The following PIK3C3 variants were observed in gnomAD, a reference collection of about 807,000 sequenced individuals.
PIK3C3 encodes the protein PI3-kinase type 3.
Under a neutral mutation model 126.1 loss-of-function variants are expected in PIK3C3, and 95 were observed. The ratio of observed to expected loss-of-function variants is 0.75; its 90% CI spans 0.64 to 0.89. The LOEUF (loss-of-function observed/expected upper bound fraction) is 0.89, where lower values mean the gene tolerates loss of function less well. Ranked by LOEUF, PIK3C3 falls within the 40% of genes least tolerant of loss-of-function variation. The probability of loss-of-function intolerance (pLI) is 0.00; values close to 1 mark genes in which losing one functional copy is unlikely to be tolerated. For missense variants in PIK3C3, 829 were observed against 1,063.2 expected, an observed-to-expected ratio of 0.78 and a Z score of 3.06; for synonymous variants, 374 against 360.0, an observed-to-expected ratio of 1.04 and a Z score of -0.44.
intron 21 of PIK3C3, chr18:42,050,535 A>T (rs1984756384): frequency 6.6e-6 from 1 of 152,044 alleles, no homozygotes; most frequent in South Asian, 2.1e-4. Context: ...TCATTTTTCC[A>T]TTTCAATAGA....
intron 4 of PIK3C3, among the ~76,000 whole-genome samples, chr18:41,977,362 T>A (rs546804804): frequency 5.3e-5 from 8 of 152,304 alleles, no homozygotes; most frequent in African/African-American, 1.9e-4. Flanking sequence ...AAAGGAACTA[T>A]TAATAGGATA....
Position 41,990,467 on chromosome 18 carries a change from A to G in PIK3C3, c.627A>G (p.Lys209=), listed in dbSNP as rs149520086. Residue 209 remains lysine, a synonymous_variant, in exon 6 of 25, where the codon AAA becomes AAG. Coordinates refer to ENST00000262039, the MANE Select transcript of PIK3C3 (RefSeq NM_002647.4). Reference sequence around the variant, plus strand: ...ATCATTTTTTTTTTCAGAGTGAAAAACGAAGTTCTAATTTCATGTACCTGA... The same window carrying G: ...ATCATTTTTTTTTTCAGAGTGAAAAGCGAAGTTCTAATTTCATGTACCTGA... The part of the protein sequence containing the change: ...REIEMINESE[K]RSSNFMYLMV... The G allele has an allele frequency of 1.9e-6, 3 of 1,576,662 alleles. No individual in the cohort carries two copies. Among genetic ancestry groups the G allele is most frequent in the Admixed American group, 1.7e-5 (1 of 59,444 alleles).
chr18:41,976,192 C>A (rs915851433), intron 4 of PIK3C3, among the ~76,000 whole-genome samples: 1 of 152,122 alleles, frequency 6.6e-6, no homozygotes, highest in Non-Finnish European at 1.5e-5. Flanking sequence ...GTTTGACCCA[C>A]TATAATATTT....
At chr18:42,008,165 A>G (rs1982639464) in intron 10 of PIK3C3, among the ~76,000 whole-genome samples, 1 of 152,164 alleles carries the variant, frequency 6.6e-6, no homozygotes, top group Non-Finnish European at 1.5e-5. Context: ...TGATTTGTTA[A>G]TATCTGATTT....
rs1240789950 is a variant in PIK3C3 at position 42,002,018 on chromosome 18, G to C, written c.985-2338G>C. ...GCAGGAGGTGTAGAGGAAGTGGACA[G>C]CTGTCCTTGGGGAATGCAGACTCCA... On this transcript the variant is annotated intron_variant, in intron 9 of 24. Coordinates refer to ENST00000262039, the MANE Select transcript of PIK3C3 (RefSeq NM_002647.4). 3.9e-5 allele frequency among the ~76,000 whole-genome samples: 6 copies of C among 152,202 alleles called. No individual in the cohort carries two copies. The East Asian group carries it at 1.2e-3, about 29-fold the overall frequency.
intron 24 of PIK3C3, among the ~76,000 whole-genome samples, chr18:42,072,515 A>G (rs962171900): frequency 1.3e-5 from 2 of 152,162 alleles, no homozygotes; most frequent in Admixed American, 6.5e-5. Context: ...TTGAAATTGC[A>G]TCATTGTAAC....
chr18:42,041,848 C>A (rs1226631424), intron 19 of PIK3C3, among the ~76,000 whole-genome samples: 1 of 152,184 alleles, frequency 6.6e-6, no homozygotes, highest in Non-Finnish European at 1.5e-5. Flanking sequence ...CTTAGGACAT[C>A]AAACTGCCTG....
chr18:42,068,601 C>G (rs1172612454), intron 24 of PIK3C3, among the ~76,000 whole-genome samples: 1 of 151,798 alleles, frequency 6.6e-6, no homozygotes, highest in African/African-American at 2.4e-5. Context: ...TTTTTCCTTC[C>G]CCCCACCTCC....
intron 19 of PIK3C3, among the ~76,000 whole-genome samples, chr18:42,042,342 CA>C (rs1984359695): frequency 1.3e-5 from 2 of 152,110 alleles, no homozygotes; most frequent in Non-Finnish European, 2.9e-5. Context: ...GTATGTTTTC[CA>C]TGTTGATTCT....
intron 16 of PIK3C3, among the ~76,000 whole-genome samples, chr18:42,034,545 T>G (rs1983963252): frequency 6.6e-6 from 1 of 152,208 alleles, no homozygotes; most frequent in African/African-American, 2.4e-5. Context: ...GAACCTTAAG[T>G]GTTTTCTTAT....
Position 42,082,664 on chromosome 18 carries a change from C to G in PIK3C3, c.*1527C>G, listed in dbSNP as rs1244290580. The G allele has an allele frequency of 6.6e-6, 1 of 152,088 alleles. No homozygotes were observed. The highest frequency in any genetic ancestry group is 1.5e-5 in the Non-Finnish European group (1 of 68,018). 9.4% of individuals were successfully genotyped at this position (152,088 alleles called of 1,614,324 possible). ...CTCCAAAACTTTTCTCTGAATTACC[C>G]TTGTTGAAACTGACCTTTCTTCCGT... On this transcript the variant is annotated 3_prime_UTR_variant, in exon 25 of 25. Transcript: ENST00000262039.
At chr18:42,016,381 C>CT (rs1983074884) in intron 12 of PIK3C3, among the ~76,000 whole-genome samples, 3 of 152,140 alleles carry the variant, frequency 2.0e-5, no homozygotes, top group South Asian at 4.1e-4. Context: ...CTGCTACAGT[C>CT]TAAGTTTTCC....
chr18:42,041,129 CTGAGAT>C (rs544588655), intron 19 of PIK3C3, among the ~76,000 whole-genome samples: 7 of 151,890 alleles, frequency 4.6e-5, no homozygotes, highest in Non-Finnish European at 8.8e-5. Context: ...CTGCAGTGAG[CTGAGAT>C]CACATCATTG....
chr18:41,993,357 AT>A lies in PIK3C3; in HGVS notation c.786+23del. 8 of 1,539,252 alleles carry A rather than the reference AT, an allele frequency of 5.2e-6. No individual in the cohort carries two copies. The highest frequency in any genetic ancestry group is 7.2e-6 in the Non-Finnish European group (8 of 1,117,660). ...GATGTCTATGGTAAGTTATTGTGCAATTTTTTTATGAAAGTACTTTTCTTCA... is the reference window on the plus strand; with the variant it reads ...GATGTCTATGGTAAGTTATTGTGCAATTTTTTATGAAAGTACTTTTCTTCA... On this transcript the variant is annotated intron_variant, in intron 7 of 24. Coordinates refer to ENST00000262039, the MANE Select transcript of PIK3C3 (RefSeq NM_002647.4).
At chr18:42,041,420 C>T (rs1272372358) in intron 19 of PIK3C3, among the ~76,000 whole-genome samples, 1 of 151,126 alleles carries the variant, frequency 6.6e-6, no homozygotes, top group African/African-American at 2.4e-5. Flanking sequence ...TCCCTTCAAC[C>T]TATTGCTCCC....
intron 1 of PIK3C3, among the ~76,000 whole-genome samples, chr18:41,956,426 C>T (rs142848484): frequency 6.6e-5 from 10 of 151,902 alleles, no homozygotes; most frequent in Non-Finnish European, 1.5e-4. Context: ...GTAGTTTATA[C>T]AGGATCAATA....
At chr18:42,001,561 T>C (rs937007685) in intron 9 of PIK3C3, among the ~76,000 whole-genome samples, 2 of 152,220 alleles carry the variant, frequency 1.3e-5, no homozygotes, top group Non-Finnish European at 2.9e-5. Flanking sequence ...TTTTTGTCTT[T>C]CTTATTCTTT....
rs184800542 is a variant in PIK3C3 at position 42,015,138 on chromosome 18, T to G, written c.1326-338T>G. On this transcript the variant is annotated intron_variant, in intron 11 of 24. Coordinates refer to ENST00000262039, the MANE Select transcript of PIK3C3 (RefSeq NM_002647.4). ...TTTTAAGAAGATAAAAGCTCTATTT[T>G]ATTTTTAAAAAGAGAGAATCTTGGC... Among the ~76,000 whole-genome samples the G allele has an allele frequency of 2.2e-3, 337 of 152,268 alleles. 1 individual carries two copies. Among genetic ancestry groups the G allele is most frequent in the African/African-American group, 7.5e-3 (311 of 41,562 alleles).
intron 18 of PIK3C3, among the ~76,000 whole-genome samples, chr18:42,039,731 C>T (rs1440014779): frequency 6.6e-6 from 1 of 152,190 alleles, no homozygotes; most frequent in African/African-American, 2.4e-5. Context: ...AGTTAGGTCT[C>T]CTTACACTAC....
Sources: gnomAD v4.1 joint callset for allele counts (sites outside exome capture counted in the v4.1 genomes callset) on GRCh38, gnomAD v4.1.1 for gene constraint, MANE v1.5 for transcripts, NCBI Gene and HGNC (gene_info 2026-07-23, HGNC 2026-07-21) for gene names.